The following ANKRD36B variants were observed in gnomAD, a reference collection of about 807,000 sequenced individuals.
ANKRD36B encodes ankyrin repeat domain 36B, also known as ankyrin repeat domain-containing protein 36B.
In ANKRD36B, 37 loss-of-function variants were observed where a neutral mutation model predicts 135.7. That is an observed-to-expected ratio of 0.27 (90% confidence interval 0.21 to 0.36). The LOEUF is 0.36. Ranked by LOEUF, ANKRD36B falls within the 10% of genes least tolerant of loss-of-function variation. ANKRD36B has a pLI of 1.00. For missense variants in ANKRD36B, 549 were observed against 1,037.1 expected, an observed-to-expected ratio of 0.53 and a Z score of 6.46; for synonymous variants, 179 against 348.1, an observed-to-expected ratio of 0.51 and a Z score of 5.41.
Position 97,525,654 on chromosome 2 carries a change from GA to G in ANKRD36B, c.2266-2188del, listed in dbSNP as rs1029737556. Among the ~76,000 whole-genome samples, 8 of 96,972 alleles carry G rather than the reference GA, an allele frequency of 8.2e-5. 3 individuals are homozygous for G. Among genetic ancestry groups the G allele is most frequent in the Non-Finnish European group, 2.2e-4 (8 of 36,278 alleles). The allele number at this position is 96,972 out of a possible 152,430, so 63.6% of individuals were successfully genotyped here. A position where few individuals can be genotyped will look rare whatever the true frequency, so the allele number is the denominator to read the frequency against. On this transcript the variant is annotated intron_variant, in intron 35 of 43. Transcript: ENST00000359901. ...CAGGGAGTTCCCTTTCCTAGTCAAA[GA>G]AAGGGGTGACAGACAGCACCTGGAA...
intron 6 of ANKRD36B, among the ~76,000 whole-genome samples, chr2:97,576,067 AATTC>A (rs2082213081): frequency 8.4e-6 from 1 of 119,722 alleles, no homozygotes; most frequent in African/African-American, 2.5e-5. Flanking sequence ...TAAAAAGTCT[AATTC>A]ATTATCATGT....
In ANKRD36B at chr2:97,513,170, A is replaced by G. The variant is rs200565358; in HGVS notation, c.2805+10T>C. 7.1e-3 allele frequency: 9,362 copies of G among 1,315,050 alleles called. 1,099 individuals are homozygous for G. The East Asian group carries it at 0.11, about 16-fold the overall frequency. The allele number at this position is 1,315,050 out of a possible 1,614,324, so 81.5% of individuals were successfully genotyped here. ...GTAGAAATATGAAGTTTTACCAAAC[A>G]TTAATTTACCTGATTTGAATTATTT... On this transcript the variant is annotated intron_variant, in intron 38 of 43. Coordinates refer to ENST00000359901, the MANE Select transcript of ANKRD36B (RefSeq NM_001393939.1).
At chr2:97,555,525 CGAAT>C (rs1322151796) in intron 12 of ANKRD36B, among the ~76,000 whole-genome samples, 2 of 151,754 alleles carry the variant, frequency 1.3e-5, no homozygotes, top group Non-Finnish European at 2.9e-5. Flanking sequence ...GTGAATATGC[CGAAT>C]GATGAGGACA....
In ANKRD36B at chr2:97,514,915, T is replaced by TC. The variant is rs1026027750; in HGVS notation, c.2621+816_2621+817insG. Among the ~76,000 whole-genome samples, 2 of 83,004 alleles carry TC rather than the reference T, an allele frequency of 2.4e-5. 1 individual carries two copies. The allele number at this position is 83,004 out of a possible 152,430, so 54.5% of individuals were successfully genotyped here. On this transcript the variant is annotated intron_variant, in intron 37 of 43. Transcript: ENST00000359901. ...TAAAACTGGATACATTTTTTTTTTT[T>TC]TTTTTTTGAGAGGGAGTCTCCTACT...
Position 97,525,627 on chromosome 2 carries a change from G to T in ANKRD36B, c.2266-2160C>A, listed in dbSNP as rs1181206169. Among the ~76,000 whole-genome samples the T allele has an allele frequency of 9.3e-5, 9 of 96,934 alleles. 1 individual carries two copies. Among genetic ancestry groups the T allele is most frequent in the African/African-American group, 2.8e-4 (9 of 32,312 alleles). The allele number at this position is 96,934 out of a possible 152,430, so 63.6% of individuals were successfully genotyped here. A position where few individuals can be genotyped will look rare whatever the true frequency, so the allele number is the denominator to read the frequency against. ...TTGCCTCACTCAGGAAGTGGAAGGGGTCAGGGAGTTCCCTTTCCTAGTCAA... is the reference window on the plus strand; with the variant it reads ...TTGCCTCACTCAGGAAGTGGAAGGGTTCAGGGAGTTCCCTTTCCTAGTCAA... On this transcript the variant is annotated intron_variant, in intron 35 of 43. Transcript: ENST00000359901.
intron 1 of ANKRD36B, among the ~76,000 whole-genome samples, chr2:97,586,332 C>G (rs572430201): frequency 4.6e-4 from 69 of 150,658 alleles, no homozygotes; most frequent in African/African-American, 1.6e-3. Flanking sequence ...GTATTTGAGA[C>G]TGTCATAAGT....
chr2:97,580,882 C>G (rs2082589872), intron 3 of ANKRD36B, among the ~76,000 whole-genome samples: 1 of 88,832 alleles, frequency 1.1e-5, no homozygotes, highest in Non-Finnish European at 2.2e-5. Context: ...CCACCTGAAC[C>G]AAGAGCTTCT....
chr2:97,547,044 A>C (rs1328434254), intron 22 of ANKRD36B, among the ~76,000 whole-genome samples: 5 of 151,670 alleles, frequency 3.3e-5, no homozygotes, highest in Non-Finnish European at 7.4e-5. Flanking sequence ...AATTATATAA[A>C]AGAATTCCTC....
In ANKRD36B at chr2:97,528,424, A is replaced by G. The variant is rs1350501420; in HGVS notation, c.2265+3887T>C. On this transcript the variant is annotated intron_variant, in intron 35 of 43. Transcript: ENST00000359901. ...AAGCAGTGTACAGTGGGAAATTTAT[A>G]GCACTAAATGCCCACAAGAGAAAGC... 6.3e-5 allele frequency among the ~76,000 whole-genome samples: 6 copies of G among 94,886 alleles called. 2 individuals carry two copies. The highest frequency in any genetic ancestry group is 1.7e-4 in the Non-Finnish European group (6 of 35,862). 62.2% of individuals were successfully genotyped at this position (94,886 alleles called of 152,430 possible). A position where few individuals can be genotyped will look rare whatever the true frequency, so the allele number is the denominator to read the frequency against.
chr2:97,494,224 G>A (rs1267006940), intron 43 of ANKRD36B, among the ~76,000 whole-genome samples: 1 of 74,970 alleles, frequency 1.3e-5, no homozygotes, highest in African/African-American at 5.2e-5. Context: ...TAAAAAAATA[G>A]CTGAGACTAG....
chr2:97,559,045 T>A (rs1328847658), intron 8 of ANKRD36B, 51 bp from the exon 9 acceptor site: 2 of 1,601,024 alleles, frequency 1.2e-6, no homozygotes, highest in East Asian at 2.2e-5. Context: ...ATGATAAATT[T>A]ATCCATACAT....
At chr2:97,574,575 A>G (rs1383424047) in intron 6 of ANKRD36B, among the ~76,000 whole-genome samples, 1 of 152,200 alleles carries the variant, frequency 6.6e-6, no homozygotes, top group Non-Finnish European at 1.5e-5. Flanking sequence ...TGCTGCTATA[A>G]AGACACATGC....
rs745992157 is a variant in ANKRD36B at position 97,555,222 on chromosome 2, T to A, written c.1098+4A>T. 1 of 1,611,338 alleles carries A rather than the reference T, an allele frequency of 6.2e-7. No homozygotes were observed. The highest frequency in any genetic ancestry group is 1.7e-4 in the Middle Eastern group (1 of 6,036). ...ATACAAAATATAAATGAGAATTTAA[T>A]TACCTTTGAGGCTGGTTGTTTCTGA... On this transcript the variant is annotated splice_donor_region_variant and intron_variant, in intron 13 of 43. Coordinates refer to ENST00000359901, the MANE Select transcript of ANKRD36B (RefSeq NM_001393939.1).
intron 6 of ANKRD36B, among the ~76,000 whole-genome samples, chr2:97,561,572 T>A (rs1186552591): frequency 6.6e-6 from 1 of 151,920 alleles, no homozygotes; most frequent in Non-Finnish European, 1.5e-5. Flanking sequence ...TTACCAAATT[T>A]GACATACTTT....
At chr2:97,533,678 T>A (rs532232363) in intron 34 of ANKRD36B, among the ~76,000 whole-genome samples, 1 of 94,948 alleles carries the variant, frequency 1.1e-5, no homozygotes, top group African/African-American at 3.2e-5. Context: ...GCTACTGCTA[T>A]GTCTACATTG....
At chr2:97,562,671 T>G (rs1386310346) in intron 6 of ANKRD36B, among the ~76,000 whole-genome samples, 5 of 152,058 alleles carry the variant, frequency 3.3e-5, no homozygotes, top group African/African-American at 1.2e-4. Context: ...TCCATATTGG[T>G]GGACTTGATT....
At position 97,547,760 on chromosome 2, in the gene ANKRD36B, T is replaced by A. The variant is rs373745135; in HGVS notation, c.1478-29A>T. ...AAAAGTAAAAGGGATTCATAATCAC[T>A]CATATGTAAAAATGACAAAATTATC... On this transcript the variant is annotated intron_variant, in intron 20 of 43. Transcript: ENST00000359901. 4.0e-5 allele frequency: 62 copies of A among 1,547,524 alleles called. No individual in the cohort carries two copies. The African/African-American group carries it at 8.2e-4, about 21-fold the overall frequency.
At chr2:97,566,382 A>G (rs1321791648) in intron 6 of ANKRD36B, among the ~76,000 whole-genome samples, 1 of 152,096 alleles carries the variant, frequency 6.6e-6, no homozygotes, top group East Asian at 1.9e-4. Context: ...AAAAAGTATA[A>G]GACTTTGATG....
intron 8 of ANKRD36B, 94 bp downstream of exon 8, chr2:97,560,571 C>A: frequency 6.5e-7 from 1 of 1,540,074 alleles, no homozygotes; most frequent in South Asian, 1.1e-5. Context: ...TCAGAACGTG[C>A]AGCTTATATG....
Sources: allele counts gnomAD v4.1 joint callset (sites outside exome capture counted in the v4.1 genomes callset), GRCh38; gene constraint gnomAD v4.1.1; transcripts MANE v1.5; gene names NCBI Gene and HGNC (gene_info 2026-07-23, HGNC 2026-07-21).